PCDH15: variants seen among roughly 807,000 people sequenced by gnomAD.
PCDH15 encodes protocadherin related 15.
PCDH15 carries 129 observed loss-of-function variants against 178.5 expected under a neutral mutation model. The ratio of observed to expected loss-of-function variants is 0.72; its 90% confidence interval spans 0.63 to 0.84. PCDH15 has a LOEUF of 0.84. Among genes scored for constraint, PCDH15 ranks in the 40% least tolerant of loss-of-function variants. The probability of loss-of-function intolerance (pLI) is 0.00; values close to 1 mark genes in which losing one functional copy is unlikely to be tolerated. For synonymous variants in PCDH15, 800 were observed against 732.0 expected (o/e 1.09, Z -1.50); for missense variants, 2,230 against 2,099.9 (o/e 1.06, Z -1.21).
At position 55,383,869 on chromosome 10, in the gene PCDH15, TG is replaced by T. The variant is rs373543987; in HGVS notation, c.-155-217219del. Among the ~76,000 whole-genome samples the T allele has an allele frequency of 3.7e-3, 568 of 152,278 alleles. 4 individuals carry two copies. Among genetic ancestry groups the T allele is most frequent in the African/African-American group, 0.011 (472 of 41,560 alleles). ...GAAGAAACCAGATGTTTGCACTAACTGGGGAATTGTAGAGTGTGTATGCGTG... is the reference window on the plus strand; with the variant it reads ...GAAGAAACCAGATGTTTGCACTAACTGGGAATTGTAGAGTGTGTATGCGTG... On this transcript the variant is annotated intron_variant, in intron 2 of 5. Coordinates refer to the PCDH15 transcript ENST00000613346.
intron 2 of PCDH15, among the ~76,000 whole-genome samples, chr10:55,057,181 C>A (rs951845601): frequency 6.6e-6 from 1 of 152,126 alleles, no homozygotes; most frequent in Non-Finnish European, 1.5e-5. Flanking sequence ...AAATCTCAGA[C>A]AACTTTTTAT....
At chr10:54,779,432 ATGTG>A (rs1555192714) in intron 1 of PCDH15, among the ~76,000 whole-genome samples, 17 of 105,374 alleles carry the variant, frequency 1.6e-4, no homozygotes, top group African/African-American at 2.9e-4. Flanking sequence ...ACACACACAT[ATGTG>A]TATATATATA....
At chr10:54,472,805 T>C (rs887097949) in intron 3 of PCDH15, among the ~76,000 whole-genome samples, 2 of 152,152 alleles carry the variant, frequency 1.3e-5, no homozygotes, top group Non-Finnish European at 2.9e-5. Context: ...CAGGTGTTTA[T>C]GCAGACAGAG....
chr10:54,317,390 C>T lies in PCDH15; in HGVS notation c.757G>A (p.Val253Met), dbSNP rs1375595808. The change falls in exon 8 of 38, where the codon GTG becomes ATG. Residue 253 changes from valine to methionine, a missense_variant. Transcript: ENST00000644397. The part of the protein sequence containing the change: ...ERRTTTTTLT[V>M]DVLDGDDLGP... ...AAGTCATCTCCATCCAGAACATCCACTGTGAGAGTGGTGGTGGTGGTTCGC... is the reference window on the plus strand; with the variant it reads ...AAGTCATCTCCATCCAGAACATCCATTGTGAGAGTGGTGGTGGTGGTTCGC... The T allele has an allele frequency of 1.9e-6, 3 of 1,613,994 alleles. No homozygotes were observed. The highest frequency in any genetic ancestry group is 2.5e-6 in the Non-Finnish European group (3 of 1,179,944).
chr10:55,592,797 T>C (rs1487137556), intron 2 of PCDH15, among the ~76,000 whole-genome samples: 5 of 152,128 alleles, frequency 3.3e-5, no homozygotes, highest in Admixed American at 2.6e-4. Context: ...AATTATGTAA[T>C]ATATTTGTTG....
chr10:54,288,755 A>G (rs1358484492), intron 8 of PCDH15, among the ~76,000 whole-genome samples: 1 of 152,206 alleles, frequency 6.6e-6, no homozygotes, highest in African/African-American at 2.4e-5. Context: ...AGAGCCTTGC[A>G]CACTGCTAGT....
chr10:53,901,130 TA>T (rs1013258109), intron 26 of PCDH15, among the ~76,000 whole-genome samples: 10 of 151,550 alleles, frequency 6.6e-5, no homozygotes, highest in Non-Finnish European at 1.3e-4. Context: ...TCCTGATCTC[TA>T]AGTGCTGAAA....
chr10:54,104,951 T>C (rs2094884378), intron 15 of PCDH15, among the ~76,000 whole-genome samples: 1 of 151,824 alleles, frequency 6.6e-6, no homozygotes, highest in Non-Finnish European at 1.5e-5. Context: ...GTCAAAGGTA[T>C]TATGTATAGA....
chr10:54,993,755 G>C (rs1415169551), intron 2 of PCDH15, among the ~76,000 whole-genome samples: 1 of 152,050 alleles, frequency 6.6e-6, no homozygotes, highest in Non-Finnish European at 1.5e-5. Flanking sequence ...GTGCTAAAAA[G>C]AGAGGAATTA....
intron 18 of PCDH15, among the ~76,000 whole-genome samples, chr10:54,058,074 A>T (rs1314861151): frequency 6.6e-6 from 1 of 152,116 alleles, no homozygotes; most frequent in Non-Finnish European, 1.5e-5. Context: ...ACATTCCCTC[A>T]TCTTCCTGCC....
chr10:55,072,529 C>A (rs538641936), intron 2 of PCDH15, among the ~76,000 whole-genome samples: 1 of 151,942 alleles, frequency 6.6e-6, no homozygotes, highest in East Asian at 1.9e-4. Context: ...ACACATACAC[C>A]CTCCCAAGAC....
At chr10:55,118,386 C>T (rs982197360) in intron 2 of PCDH15, among the ~76,000 whole-genome samples, 1 of 152,100 alleles carries the variant, frequency 6.6e-6, no homozygotes, top group East Asian at 1.9e-4. Context: ...ATCATGAGGG[C>T]GTACCATTTT....
intron 1 of PCDH15, among the ~76,000 whole-genome samples, chr10:55,220,010 C>A (rs957077833): frequency 1.3e-5 from 2 of 151,776 alleles, no homozygotes; most frequent in African/African-American, 2.4e-5. Flanking sequence ...CACATGGATA[C>A]CTCCTGTATC....
At chr10:55,076,751 T>G (rs371698122) in intron 2 of PCDH15, among the ~76,000 whole-genome samples, 5 of 149,210 alleles carry the variant, frequency 3.4e-5, no homozygotes, top group African/African-American at 9.9e-5. Context: ...AGCCATCATG[T>G]GTGGCCTGTG....
At chr10:55,207,871 A>C (rs1389877031) in intron 1 of PCDH15, among the ~76,000 whole-genome samples, 1 of 152,138 alleles carries the variant, frequency 6.6e-6, no homozygotes, top group East Asian at 1.9e-4. Context: ...TGTGAGGCTG[A>C]GTCAGGAGAA....
At chr10:54,468,118 G>T (rs2077651692) in intron 3 of PCDH15, among the ~76,000 whole-genome samples, 1 of 151,552 alleles carries the variant, frequency 6.6e-6, no homozygotes, top group Non-Finnish European at 1.5e-5. Context: ...TTTTTGTTTT[G>T]TTGACCCTTT....
chr10:54,040,377 G>A (rs1326583227), intron 18 of PCDH15, among the ~76,000 whole-genome samples: 2 of 151,836 alleles, frequency 1.3e-5, no homozygotes, highest in African/African-American at 4.8e-5. Flanking sequence ...CCTTTGCTTG[G>A]CTCTCATTCT....
chr10:54,821,423 A>T (rs1271231820), intron 3 of PCDH15, among the ~76,000 whole-genome samples: 2 of 152,118 alleles, frequency 1.3e-5, no homozygotes, highest in Non-Finnish European at 2.9e-5. Flanking sequence ...AATAAAAAAA[A>T]AATTACAAAT....
chr10:55,448,043 C>A (rs1839355419), intron 2 of PCDH15, among the ~76,000 whole-genome samples: 1 of 151,768 alleles, frequency 6.6e-6, no homozygotes, highest in South Asian at 2.1e-4. Flanking sequence ...TAATCTGTTT[C>A]ATTATGAATT....
Sources: gnomAD v4.1 joint callset for allele counts (sites outside exome capture counted in the v4.1 genomes callset) on GRCh38, gnomAD v4.1.1 for gene constraint, MANE v1.5 for transcripts, NCBI Gene and HGNC (gene_info 2026-07-23, HGNC 2026-07-21) for gene names.